FOXN2: variants seen among roughly 807,000 people sequenced by gnomAD.
FOXN2 encodes forkhead box N2, also known as forkhead box protein N2.
A neutral mutation model predicts 41.2 loss-of-function variants in FOXN2; 19 were observed. The ratio of observed to expected loss-of-function variants is 0.46; its 90% confidence interval spans 0.32 to 0.68. The LOEUF (loss-of-function observed/expected upper bound fraction) is 0.68, where lower values mean the gene tolerates loss of function less well. FOXN2 is among the 30% of genes least tolerant of loss of function. The pLI is 0.03. For missense variants in FOXN2, 587 were observed against 509.4 expected (o/e 1.15, Z -1.47); for synonymous variants, 195 against 176.8 (o/e 1.10, Z -0.82).
intron 5 of FOXN2, among the ~76,000 whole-genome samples, chr2:48,370,640 TAGA>T (rs1672830673): frequency 6.6e-6 from 1 of 152,180 alleles, no homozygotes; most frequent in Non-Finnish European, 1.5e-5. Context: ...ATTTTTAAAT[TAGA>T]GGATTTTGGT....
intron 5 of FOXN2, among the ~76,000 whole-genome samples, chr2:48,371,546 G>C (rs1672895655): frequency 6.6e-6 from 1 of 151,918 alleles, no homozygotes; most frequent in Non-Finnish European, 1.5e-5. Context: ...TTTGTATTTT[G>C]CCTCCAGTTT....
chr2:48,353,798 TC>T (rs1321382908), intron 3 of FOXN2, among the ~76,000 whole-genome samples: 4 of 152,138 alleles, frequency 2.6e-5, no homozygotes, highest in African/African-American at 9.7e-5. Flanking sequence ...GAAATTGATC[TC>T]CCTTTATTCT....
Position 48,373,918 on chromosome 2 carries a change from G to A in FOXN2, c.772+558G>A, listed in dbSNP as rs181536507. Among the ~76,000 whole-genome samples the A allele has an allele frequency of 1.7e-4, 26 of 152,066 alleles. No homozygotes were observed. The East Asian group carries it at 5.0e-3, about 29-fold the overall frequency. ...AGAAATACAAAAATTAGCCAGATGTGGTGGTGCATGCCTGTAGTCCCAGCT... is the reference window on the plus strand; with the variant it reads ...AGAAATACAAAAATTAGCCAGATGTAGTGGTGCATGCCTGTAGTCCCAGCT... On this transcript the variant is annotated intron_variant, in intron 6 of 6. Coordinates refer to ENST00000340553, the MANE Select transcript of FOXN2 (RefSeq NM_002158.4).
chr2:48,342,809 A>G (rs1030707115), intron 2 of FOXN2, among the ~76,000 whole-genome samples: 2 of 152,198 alleles, frequency 1.3e-5, no homozygotes, highest in African/African-American at 4.8e-5. Flanking sequence ...TGACAGTTCA[A>G]ACCTTACTAA....
At position 48,375,492 on chromosome 2, in the gene FOXN2, A is replaced by T. The variant is rs1434990921; in HGVS notation, c.*49A>T. On this transcript the variant is annotated 3_prime_UTR_variant, in exon 7 of 7. Transcript: ENST00000340553. ...TCTTTCACTTAATTCTTTACAAGGG[A>T]TATCAAAGCCATAATGGACTTCATT... The T allele has an allele frequency of 2.7e-6, 4 of 1,491,086 alleles. No homozygotes were observed. Among genetic ancestry groups the T allele is most frequent in the African/African-American group, 1.4e-5 (1 of 71,594 alleles). The allele number at this position is 1,491,086 out of a possible 1,614,324, so 92.4% of individuals were successfully genotyped here.
At chr2:48,337,518 C>G (rs1280892956) in intron 2 of FOXN2, among the ~76,000 whole-genome samples, 1 of 151,896 alleles carries the variant, frequency 6.6e-6, no homozygotes, top group Non-Finnish European at 1.5e-5. Flanking sequence ...GTTGGCCAGG[C>G]TGGTTTTGAA....
chr2:48,333,406 A>G (rs72820403), intron 2 of FOXN2, among the ~76,000 whole-genome samples: 16,870 of 152,106 alleles, frequency 0.11, 1,384 homozygotes, highest in East Asian at 0.46. Flanking sequence ...TAAAATTCCT[A>G]TATACATTTA....
At chr2:48,371,312 G>A (rs149907133) in intron 5 of FOXN2, among the ~76,000 whole-genome samples, 10 of 152,124 alleles carry the variant, frequency 6.6e-5, no homozygotes, top group African/African-American at 1.9e-4. Context: ...CACAAGAATC[G>A]CTTGAACCTG....
At chr2:48,314,574 G>A (rs1360763176), upstream of FOXN2, 3 of 152,312 alleles carry the variant, frequency 2.0e-5, no homozygotes, top group Non-Finnish European at 4.4e-5. Context: ...CGGGACTGGA[G>A]GGAGGGGTGG....
At chr2:48,361,230 G>GC (rs1055162642) in intron 4 of FOXN2, among the ~76,000 whole-genome samples, 4 of 152,048 alleles carry the variant, frequency 2.6e-5, no homozygotes, top group Non-Finnish European at 5.9e-5. Context: ...ACTTTGGTAG[G>GC]CCGAGGCCAG....
chr2:48,372,592 A>G (rs1286224239), intron 5 of FOXN2, among the ~76,000 whole-genome samples: 1 of 152,172 alleles, frequency 6.6e-6, no homozygotes, highest in Non-Finnish European at 1.5e-5. Flanking sequence ...AACTTACAGC[A>G]GTAAATATAA....
chr2:48,366,329 A>G (rs1189799116), intron 5 of FOXN2, among the ~76,000 whole-genome samples: 1 of 150,572 alleles, frequency 6.6e-6, no homozygotes, highest in Non-Finnish European at 1.5e-5. Flanking sequence ...ACTGCACTCC[A>G]GCCTAGGTGA....
chr2:48,354,183 A>G (rs1281760307), intron 3 of FOXN2, among the ~76,000 whole-genome samples: 1 of 152,238 alleles, frequency 6.6e-6, no homozygotes, highest in Non-Finnish European at 1.5e-5. Flanking sequence ...AATGAAGCCA[A>G]GGAAGCTAAG....
chr2:48,330,725 A>C (rs1373419082), intron 2 of FOXN2, among the ~76,000 whole-genome samples: 1 of 151,996 alleles, frequency 6.6e-6, no homozygotes, highest in Non-Finnish European at 1.5e-5. Flanking sequence ...AAATATCTTA[A>C]GACCACCTAA....
At chr2:48,371,358 C>T (rs1385876093) in intron 5 of FOXN2, among the ~76,000 whole-genome samples, 1 of 152,076 alleles carries the variant, frequency 6.6e-6, no homozygotes, top group African/African-American at 2.4e-5. Flanking sequence ...GAACACTCCT[C>T]TGCCTTCCAG....
At chr2:48,341,539 G>A (rs1670775672) in intron 2 of FOXN2, among the ~76,000 whole-genome samples, 1 of 152,106 alleles carries the variant, frequency 6.6e-6, no homozygotes, top group African/African-American at 2.4e-5. Flanking sequence ...CAAGTAATAT[G>A]GTCAGTTTAG....
intron 5 of FOXN2, among the ~76,000 whole-genome samples, chr2:48,369,043 C>G (rs1429112775): frequency 3.7e-4 from 56 of 152,192 alleles, no homozygotes; most frequent in African/African-American, 2.4e-5. Flanking sequence ...TATAAGTTAT[C>G]TACCATAAAT....
chr2:48,374,844 A>AT, intron 6 of FOXN2, 76 bp from the exon 7 acceptor site: 1 of 1,215,676 alleles, frequency 8.2e-7, no homozygotes, highest in Non-Finnish European at 1.2e-6. Flanking sequence ...CTCAAGAGTA[A>AT]TGTAGTAGTT....
rs1316150613 is a variant in FOXN2 at position 48,340,389 on chromosome 2, C to G, written c.-14-5812C>G. Among the ~76,000 whole-genome samples the G allele has an allele frequency of 2.0e-5, 3 of 152,184 alleles. No individual in the cohort carries two copies. In the East Asian group the frequency reaches 5.8e-4, roughly 29 times the overall value. On this transcript the variant is annotated intron_variant, in intron 2 of 6. Coordinates refer to ENST00000340553, the MANE Select transcript of FOXN2 (RefSeq NM_002158.4). Reference sequence around the variant, plus strand: ...CTCCTATGACCTTTTGGGAAATGATCAGAGAATTCCAATACATAATTTTAT... The same window carrying G: ...CTCCTATGACCTTTTGGGAAATGATGAGAGAATTCCAATACATAATTTTAT...
Sources: gnomAD v4.1 joint callset for allele counts (sites outside exome capture counted in the v4.1 genomes callset) on GRCh38, gnomAD v4.1.1 for gene constraint, MANE v1.5 for transcripts, NCBI Gene and HGNC (gene_info 2026-07-23, HGNC 2026-07-21) for gene names.